SAMSN1: variants seen among roughly 807,000 people sequenced by gnomAD.
SAMSN1 encodes SAM domain-containing protein SAMSN-1.
In SAMSN1, 31 loss-of-function variants were observed where a neutral mutation model predicts 42.0. The observed-to-expected ratio is 0.74, with a 90% CI of 0.55 to 1.00. The LOEUF is 1.00. Among genes scored for constraint, SAMSN1 ranks in the 50% least tolerant of loss-of-function variants. The pLI, the probability that SAMSN1 is intolerant of heterozygous loss-of-function variation, is 0.00. For synonymous variants in SAMSN1, 178 were observed against 151.9 expected (o/e 1.17, Z -1.26); for missense variants, 464 against 439.4 (o/e 1.06, Z -0.50).
intron 2 of SAMSN1, among the ~76,000 whole-genome samples, chr21:14,637,484 A>G (rs1284532028): frequency 6.6e-6 from 1 of 152,218 alleles, no homozygotes; most frequent in Non-Finnish European, 1.5e-5. Flanking sequence ...GAGTCACGTT[A>G]TATTTCTAAT....
chr21:14,577,175 C>T (rs1233568716), intron 2 of SAMSN1, among the ~76,000 whole-genome samples: 1 of 127,236 alleles, frequency 7.9e-6, no homozygotes, highest in African/African-American at 3.0e-5. Flanking sequence ...CCTGCCTCAG[C>T]CTCTCGAGTA....
At chr21:14,585,377 T>G (rs1282405367), upstream of SAMSN1, 1 of 152,232 alleles carries the variant, frequency 6.6e-6, no homozygotes, top group Non-Finnish European at 1.5e-5. Flanking sequence ...GCTTAATTGC[T>G]CCACTGAAAC....
At chr21:14,504,988 C>T (rs1206262746) in intron 5 of SAMSN1, among the ~76,000 whole-genome samples, 1 of 152,140 alleles carries the variant, frequency 6.6e-6, no homozygotes, top group African/African-American at 2.4e-5. Context: ...AATTTTGTAT[C>T]CAGCAAAATC....
chr21:14,514,942 G>C (rs1042637067), intron 3 of SAMSN1, among the ~76,000 whole-genome samples: 1 of 152,114 alleles, frequency 6.6e-6, no homozygotes, highest in Non-Finnish European at 1.5e-5. Context: ...TGACTTAAGG[G>C]GAGAATGTAG....
At chr21:14,607,051 C>T (rs1352483052) in intron 5 of SAMSN1, among the ~76,000 whole-genome samples, 1 of 152,150 alleles carries the variant, frequency 6.6e-6, no homozygotes, top group Non-Finnish European at 1.5e-5. Flanking sequence ...TATAAGATTG[C>T]TTAGGAGTTA....
chr21:14,513,159 G>A (rs547414230), intron 3 of SAMSN1, among the ~76,000 whole-genome samples: 2 of 152,272 alleles, frequency 1.3e-5, no homozygotes, highest in Non-Finnish European at 2.9e-5. Flanking sequence ...AGAAAAGACA[G>A]ACAATTTCAA....
intron 3 of SAMSN1, among the ~76,000 whole-genome samples, chr21:14,516,416 G>A (rs991967339): frequency 2.6e-5 from 4 of 151,494 alleles, no homozygotes; most frequent in African/African-American, 4.9e-5. Context: ...TTTTTGAGAC[G>A]CCATCTTGCT....
At chr21:14,494,970 G>A (rs961803424) in intron 7 of SAMSN1, among the ~76,000 whole-genome samples, 1 of 151,926 alleles carries the variant, frequency 6.6e-6, no homozygotes, top group Non-Finnish European at 1.5e-5. Flanking sequence ...CTTTTATATT[G>A]CATGATTAGC....
At chr21:14,553,367 T>C (rs915659940) in intron 2 of SAMSN1, among the ~76,000 whole-genome samples, 6 of 152,196 alleles carry the variant, frequency 3.9e-5, no homozygotes, top group Non-Finnish European at 5.9e-5. Context: ...CACCAATAAA[T>C]ACTCTGACAA....
chr21:14,487,058 C>T (rs1986466173), intron 7 of SAMSN1, among the ~76,000 whole-genome samples: 1 of 152,168 alleles, frequency 6.6e-6, no homozygotes, highest in Non-Finnish European at 1.5e-5. Flanking sequence ...ATCTCAGGTA[C>T]TGCCTCTTAG....
intron 3 of SAMSN1, among the ~76,000 whole-genome samples, chr21:14,516,534 G>A (rs1987926982): frequency 6.6e-6 from 1 of 152,148 alleles, no homozygotes. Flanking sequence ...TAGGACTACA[G>A]GCGTGCACCA....
At chr21:14,514,212 C>T (rs1210350255) in intron 3 of SAMSN1, among the ~76,000 whole-genome samples, 1 of 152,194 alleles carries the variant, frequency 6.6e-6, no homozygotes, top group Non-Finnish European at 1.5e-5. Flanking sequence ...CCTGATTCTT[C>T]TTCCTTTTCC....
chr21:14,577,280 ATATAT>A (rs1182944405), intron 2 of SAMSN1, among the ~76,000 whole-genome samples: 26 of 48,398 alleles, frequency 5.4e-4, no homozygotes, highest in Non-Finnish European at 6.7e-4. Context: ...ATATATATAT[ATATAT>A]TTTTTTTTTA....
chr21:14,643,142 C>T (rs1177771336), intron 1 of SAMSN1: 1 of 716,174 alleles, frequency 1.4e-6, no homozygotes, highest in Non-Finnish European at 2.6e-6. Flanking sequence ...TCCTGCAATA[C>T]AGAGATTTAT....
chr21:14,542,707 G>A (rs1980122888), intron 1 of SAMSN1, among the ~76,000 whole-genome samples: 2 of 152,186 alleles, frequency 1.3e-5, no homozygotes, highest in Admixed American at 1.3e-4. Context: ...GGCTGAGGTG[G>A]TTTGAGATGG....
At chr21:14,521,675 C>CAAAA (rs1056420530) in intron 1 of SAMSN1, among the ~76,000 whole-genome samples, 25 of 152,078 alleles carry the variant, frequency 1.6e-4, no homozygotes, top group African/African-American at 5.8e-4. Flanking sequence ...TTACGCCTCA[C>CAAAA]AAAGATCAAG....
At chr21:14,607,506 A>G (rs1421013558) in intron 5 of SAMSN1, among the ~76,000 whole-genome samples, 3 of 152,200 alleles carry the variant, frequency 2.0e-5, no homozygotes, top group African/African-American at 4.8e-5. Context: ...CTCAACTGCT[A>G]CTACTGAAAT....
At chr21:14,564,653 T>C (rs17003598) in intron 2 of SAMSN1, among the ~76,000 whole-genome samples, 10,221 of 152,276 alleles carry the variant, frequency 0.067, 545 homozygotes, top group African/African-American at 0.15. Context: ...CAGTTGGCTG[T>C]ACATCTAAAG....
At chr21:14,642,325 A>T (rs374575454) in intron 2 of SAMSN1, among the ~76,000 whole-genome samples, 4 of 152,348 alleles carry the variant, frequency 2.6e-5, no homozygotes, top group African/African-American at 9.6e-5. Context: ...TTTTAAAGAT[A>T]ATTCACAGAA....
Sources: allele counts gnomAD v4.1 joint callset (sites outside exome capture counted in the v4.1 genomes callset), GRCh38; gene constraint gnomAD v4.1.1; transcripts MANE v1.5; gene names NCBI Gene and HGNC (gene_info 2026-07-23, HGNC 2026-07-21).